KCNG3: variants seen among roughly 807,000 people sequenced by gnomAD.
KCNG3 encodes potassium voltage-gated channel modifier subfamily G member 3, also known as voltage-gated potassium channel regulatory subunit KCNG3.
KCNG3 carries 15 observed loss-of-function variants against 29.0 expected under a neutral mutation model. That is an observed-to-expected ratio of 0.52 (90% confidence interval 0.35 to 0.80). The LOEUF is 0.80. Among genes scored for constraint, KCNG3 ranks in the 30% least tolerant of loss-of-function variants. KCNG3 has a pLI of 0.01. For synonymous variants in KCNG3, 322 were observed against 248.9 expected (o/e 1.29, Z -2.76); for missense variants, 512 against 605.7 (o/e 0.85, Z 1.62).
chr2:42,442,505 C>A lies in KCNG3; in HGVS notation c.*1429G>T, dbSNP rs1321408486. 6.6e-6 allele frequency: 1 copy of A among 152,158 alleles called. No homozygotes were observed. The highest frequency in any genetic ancestry group is 1.5e-5 in the Non-Finnish European group (1 of 68,034). The allele number at this position is 152,158 out of a possible 1,614,324, so 9.4% of individuals were successfully genotyped here. ...TTTGAACTAGATGATGGCTAAAATT[C>A]CTTTAATGAACACTTCTGGTAACCC... On this transcript the variant is annotated 3_prime_UTR_variant, in exon 2 of 2. Coordinates refer to ENST00000306078, the MANE Select transcript of KCNG3 (RefSeq NM_133329.6).
the KCNG3 span, among the ~76,000 whole-genome samples, chr2:42,399,117 C>G: frequency 2.2e-5 from 3 of 136,524 alleles, no homozygotes; most frequent in Non-Finnish European, 4.6e-5. Context: ...AGTGCAGTGA[C>G]TGCATCACAG....
In KCNG3 at chr2:42,493,635, C is replaced by T; in HGVS notation, c.-134G>A. ...GGGCCCGCGCTCCCTCGGGGCTCCG[C>T]TCCTGCCCTCCGCTGGCCCGGGGGT... is the stretch of plus-strand genomic sequence containing the variant. On this transcript the variant is annotated 5_prime_UTR_variant, in exon 1 of 2. Coordinates refer to ENST00000306078, the MANE Select transcript of KCNG3 (RefSeq NM_133329.6). 1 of 701,440 alleles carries T rather than the reference C, an allele frequency of 1.4e-6. No homozygotes were observed. Among genetic ancestry groups the T allele is most frequent in the Non-Finnish European group, 2.0e-6 (1 of 509,346 alleles). 43.5% of individuals were successfully genotyped at this position (701,440 alleles called of 1,614,324 possible). A position where few individuals can be genotyped will look rare whatever the true frequency, so the allele number is the denominator to read the frequency against.
At chr2:42,427,825 A>G in the KCNG3 span, among the ~76,000 whole-genome samples, 1 of 152,204 alleles carries the variant, frequency 6.6e-6, no homozygotes, top group Non-Finnish European at 1.5e-5. Context: ...TCAAGTTAAA[A>G]ACGGCCTAAA....
intron 1 of KCNG3, among the ~76,000 whole-genome samples, chr2:42,464,396 A>C (rs954543575): frequency 2.0e-5 from 3 of 152,182 alleles, no homozygotes; most frequent in Non-Finnish European, 4.4e-5. Flanking sequence ...AAAGGTAGGG[A>C]TATTTCAAAG....
chr2:42,401,432 T>A, the KCNG3 span, among the ~76,000 whole-genome samples: 4 of 150,736 alleles, frequency 2.7e-5, no homozygotes, highest in East Asian at 3.9e-4. Flanking sequence ...TATATTTATA[T>A]AAATATATAT....
chr2:42,483,171 T>G (rs534884310), intron 1 of KCNG3, among the ~76,000 whole-genome samples: 2 of 152,234 alleles, frequency 1.3e-5, no homozygotes, highest in East Asian at 3.9e-4. Flanking sequence ...ATTACGTTGT[T>G]TCCAGATGTT....
chr2:42,474,732 T>C (rs182990975), intron 1 of KCNG3, among the ~76,000 whole-genome samples: 233 of 152,330 alleles, frequency 1.5e-3, no homozygotes, highest in African/African-American at 5.3e-3. Context: ...TTTTATCAAA[T>C]CTTACACTTA....
chr2:42,388,770 G>C, the KCNG3 span: 1 of 152,132 alleles, frequency 6.6e-6, no homozygotes, highest in Non-Finnish European at 1.5e-5. Context: ...TTGGAGGTAG[G>C]GGGCACAATT....
At chr2:42,466,052 G>A (rs571062906) in intron 1 of KCNG3, among the ~76,000 whole-genome samples, 17 of 152,238 alleles carry the variant, frequency 1.1e-4, no homozygotes, top group African/African-American at 3.9e-4. Flanking sequence ...TATGACAGTA[G>A]TTCCATAAGA....
At chr2:42,463,150 C>T in intron 1 of KCNG3, 1 of 335,572 alleles carries the variant, frequency 3.0e-6, no homozygotes, top group South Asian at 3.1e-5. Flanking sequence ...GCTTGAAATT[C>T]TAATCCTAGA....
At chr2:42,426,430 G>C in the KCNG3 span, among the ~76,000 whole-genome samples, 1 of 152,116 alleles carries the variant, frequency 6.6e-6, no homozygotes, top group Non-Finnish European at 1.5e-5. Context: ...GGTTGATACA[G>C]TACATCTGAT....
At chr2:42,419,174 T>A in the KCNG3 span, among the ~76,000 whole-genome samples, 2 of 149,654 alleles carry the variant, frequency 1.3e-5, no homozygotes, top group Admixed American at 1.3e-4. Context: ...AATTCGCATG[T>A]GCTGCTATTT....
In KCNG3 at chr2:42,493,430, C is replaced by G; in HGVS notation, c.72G>C (p.Arg24=). ...GCAGCGGGAAGTCCTTCAGCAGCTC[C>G]CGGGACAGCGAATACCGGGCGCCGC... The part of the protein sequence containing the change: ...NVGGARYSLS[R]ELLKDFPLRR... The change falls in exon 1 of 2, where the codon CGG becomes CGC. Residue 24 remains arginine (R), a synonymous_variant. Coordinates refer to ENST00000306078, the MANE Select transcript of KCNG3 (RefSeq NM_133329.6). The G allele has an allele frequency of 1.3e-6, 2 of 1,488,040 alleles. No homozygotes were observed. The highest frequency in any genetic ancestry group is 2.7e-5 in the South Asian group (2 of 74,530). The allele number at this position is 1,488,040 out of a possible 1,614,324, so 92.2% of individuals were successfully genotyped here.
chr2:42,434,487 G>A, the KCNG3 span, among the ~76,000 whole-genome samples: 85 of 98,894 alleles, frequency 8.6e-4, 1 homozygote, highest in African/African-American at 3.1e-3. Flanking sequence ...AAAAAAAAAA[G>A]AGAGAGAGAG....
intron 1 of KCNG3, among the ~76,000 whole-genome samples, chr2:42,447,483 C>G (rs1162209430): frequency 6.6e-6 from 1 of 151,726 alleles, no homozygotes; most frequent in Non-Finnish European, 1.5e-5. Context: ...TTAACCAGTC[C>G]ACCAGATGAA....
chr2:42,461,862 A>G lies in KCNG3; in HGVS notation c.666-17283T>C, dbSNP rs865865650. 3.9e-5 allele frequency among the ~76,000 whole-genome samples: 6 copies of G among 152,334 alleles called. No individual in the cohort carries two copies. The South Asian group carries it at 8.3e-4, about 21-fold the overall frequency. On this transcript the variant is annotated intron_variant, in intron 1 of 1. Transcript: ENST00000306078. ...TCTTCAAACAAGATCACCTTACAAA[A>G]AGTGATAACAATTCTTTTCTTTAAT...
Position 42,444,108 on chromosome 2 carries a change from C to G in KCNG3, c.1137G>C (p.Met379Ile). The change falls in exon 2 of 2, where the codon ATG (methionine) becomes ATC (isoleucine). Residue 379 changes from methionine to isoleucine, a missense_variant. Physicochemically the swap from Met to Ile is conservative, Grantham distance 10 (BLOSUM62 1). Transcript: ENST00000306078. The surrounding 1 kb of genome is among the most constrained non-coding windows in gnomAD (Gnocchi z 5.8). Reference protein sequence around the residue: ...ISMTTVGYGDMYPITVPGRIL... With the variant: ...ISMTTVGYGDIYPITVPGRIL... ...TTCTTCCAGGCACTGTGATAGGATA[C>G]ATATCTCCATAGCCAACTGTAGTCA... The G allele has an allele frequency of 1.2e-6, 2 of 1,614,176 alleles. No homozygotes were observed. The highest frequency in any genetic ancestry group is 1.7e-6 in the Non-Finnish European group (2 of 1,180,032).
At chr2:42,436,839 C>A in the KCNG3 span, among the ~76,000 whole-genome samples, 1 of 152,198 alleles carries the variant, frequency 6.6e-6, no homozygotes, top group Non-Finnish European at 1.5e-5. Context: ...CACACGCTGG[C>A]TTTTTAATAA....
chr2:42,413,916 T>A, the KCNG3 span, among the ~76,000 whole-genome samples: 1 of 152,196 alleles, frequency 6.6e-6, no homozygotes, highest in Non-Finnish European at 1.5e-5. Context: ...TAATTCAAGA[T>A]GAATGTTGGC....
Sources: gnomAD v4.1 joint callset for allele counts (sites outside exome capture counted in the v4.1 genomes callset) on GRCh38, gnomAD v4.1.1 for gene constraint, Gnocchi (gnomAD v3.1) non-coding constraint, MANE v1.5 for transcripts, NCBI Gene and HGNC (gene_info 2026-07-23, HGNC 2026-07-21) for gene names.